The following BMP6 variants were observed in gnomAD, a reference collection of about 807,000 sequenced individuals.
BMP6 encodes the protein VG-1-R.
Under a neutral mutation model 54.1 loss-of-function variants are expected in BMP6, and 17 were observed. The ratio of observed to expected loss-of-function variants is 0.31; its 90% confidence interval spans 0.22 to 0.47. The LOEUF (loss-of-function observed/expected upper bound fraction) is 0.47. BMP6 is among the 20% of genes least tolerant of loss of function. BMP6 has a pLI of 1.00. For missense variants in BMP6, 720 were observed against 690.4 expected (o/e 1.04, Z -0.48); for synonymous variants, 328 against 291.2 (o/e 1.13, Z -1.28).
chr6:7,880,232 C>T lies in BMP6; in HGVS notation c.1431C>T (p.Cys477=), dbSNP rs1167202158. The change falls in exon 7 of 7, where the codon TGC becomes TGT. Residue 477 remains cysteine (C), a synonymous_variant. Transcript: ENST00000283147. ...ACCCCGAGTATGTCCCCAAACCGTG[C>T]TGTGCGCCAACTAAGCTAAATGCCA... is the stretch of plus-strand genomic sequence containing the variant. ...LMNPEYVPKP[C]CAPTKLNAIS... is the part of the protein sequence containing the mutation. 1 of 1,614,066 alleles carries T rather than the reference C, an allele frequency of 6.2e-7. No homozygotes were observed. The highest frequency in any genetic ancestry group is 8.5e-7 in the Non-Finnish European group (1 of 1,180,044).
intron 1 of BMP6, among the ~76,000 whole-genome samples, chr6:7,757,643 T>A (rs774674289): frequency 6.6e-6 from 1 of 152,218 alleles, no homozygotes; most frequent in Non-Finnish European, 1.5e-5. Flanking sequence ...GTCCCAAAGT[T>A]GCTTTGATCC....
chr6:7,806,920 A>G (rs1419282986), intron 1 of BMP6, among the ~76,000 whole-genome samples: 3 of 152,224 alleles, frequency 2.0e-5, no homozygotes, highest in African/African-American at 7.2e-5. Flanking sequence ...GTGTTGGTTG[A>G]TACTCCCTGT....
At chr6:7,788,031 A>T (rs1158019968) in intron 1 of BMP6, among the ~76,000 whole-genome samples, 1 of 152,184 alleles carries the variant, frequency 6.6e-6, no homozygotes, top group Non-Finnish European at 1.5e-5. Context: ...TTCACACCAC[A>T]TGTAATAAAT....
At chr6:7,834,560 G>A (rs2113240167) in intron 1 of BMP6, among the ~76,000 whole-genome samples, 1 of 151,940 alleles carries the variant, frequency 6.6e-6, no homozygotes, top group East Asian at 1.9e-4. Context: ...AAAAACTAGG[G>A]TGTGGTGACA....
At chr6:7,739,899 T>C (rs944798028) in intron 1 of BMP6, among the ~76,000 whole-genome samples, 2 of 152,170 alleles carry the variant, frequency 1.3e-5, no homozygotes, top group African/African-American at 4.8e-5. Context: ...AAAAATCCTC[T>C]CCTTAGTTTC....
Position 7,862,411 on chromosome 6 carries a change from A to G in BMP6, c.1117A>G (p.Thr373Ala). The G allele has an allele frequency of 6.2e-7, 1 of 1,614,188 alleles. No individual in the cohort carries two copies. The change falls in exon 4 of 7, where the codon ACC becomes GCC. Residue 373 changes from threonine to alanine, a missense_variant. Around this residue, in one of 3 missense-constraint regions of BMP6, gnomAD observed 650 missense variants for 556.3 expected, o/e 1.17. Coordinates refer to ENST00000283147, the MANE Select transcript of BMP6 (RefSeq NM_001718.6). Reference sequence around the variant, plus strand: ...AGTGAGTGAGGTGCACGTGCGCACCACCAGGTCAGCCTCCAGCCGGCGCCG... The same window carrying G: ...AGTGAGTGAGGTGCACGTGCGCACCGCCAGGTCAGCCTCCAGCCGGCGCCG... ...FKVSEVHVRTTRSASSRRRQQ... is the reference protein window; with the variant it reads ...FKVSEVHVRTARSASSRRRQQ...
intron 4 of BMP6, among the ~76,000 whole-genome samples, chr6:7,863,632 G>A (rs903332818): frequency 1.3e-5 from 2 of 152,156 alleles, no homozygotes; most frequent in Middle Eastern, 3.2e-3. Context: ...AAGGAATAAG[G>A]TGAGTCCCAT....
At chr6:7,800,849 A>G (rs1283047276) in intron 1 of BMP6, among the ~76,000 whole-genome samples, 1 of 125,488 alleles carries the variant, frequency 8.0e-6, no homozygotes, top group African/African-American at 3.0e-5. Flanking sequence ...AGGGCCAATG[A>G]TTTGTCATTT....
At chr6:7,861,626 C>A (rs377070350) in intron 3 of BMP6, 27 bp downstream of exon 3, 8 of 1,612,536 alleles carry the variant, frequency 5.0e-6, no homozygotes, top group South Asian at 2.2e-5. Context: ...AAGCCTCCAA[C>A]GTCCAGCAAG....
intron 1 of BMP6, among the ~76,000 whole-genome samples, chr6:7,775,389 A>G (rs1944278310): frequency 6.6e-6 from 1 of 152,162 alleles, no homozygotes. Context: ...GGCTGTGGAG[A>G]CCAAGCTTTT....
chr6:7,787,639 C>T (rs775961691), intron 1 of BMP6, among the ~76,000 whole-genome samples: 13 of 152,282 alleles, frequency 8.5e-5, no homozygotes, highest in Non-Finnish European at 1.5e-4. Context: ...TTTTCTTAGC[C>T]GTGGCTGCTC....
intron 2 of BMP6, among the ~76,000 whole-genome samples, chr6:7,852,677 A>AT (rs1279102266): frequency 6.6e-6 from 1 of 152,178 alleles, no homozygotes; most frequent in African/African-American, 2.4e-5. Context: ...TCTGTACTCG[A>AT]TTTTTTAGCT....
At chr6:7,763,081 A>AT (rs1757638987) in intron 1 of BMP6, among the ~76,000 whole-genome samples, 1 of 152,198 alleles carries the variant, frequency 6.6e-6, no homozygotes, top group African/African-American at 2.4e-5. Context: ...AGATACTCTT[A>AT]TGAATTCTGC....
At chr6:7,839,135 A>G (rs952235585) in intron 1 of BMP6, among the ~76,000 whole-genome samples, 1 of 152,108 alleles carries the variant, frequency 6.6e-6, no homozygotes, top group East Asian at 1.9e-4. Context: ...AGTTTTTTAG[A>G]TATTTGAGGA....
intron 1 of BMP6, among the ~76,000 whole-genome samples, chr6:7,788,059 T>C (rs984509740): frequency 2.6e-5 from 4 of 152,198 alleles, no homozygotes; most frequent in Admixed American, 6.5e-5. Flanking sequence ...TTTAGAGATA[T>C]TAGAAACTGA....
intron 1 of BMP6, among the ~76,000 whole-genome samples, chr6:7,766,408 T>A (rs1406601627): frequency 6.6e-6 from 1 of 151,682 alleles, no homozygotes; most frequent in Non-Finnish European, 1.5e-5. Flanking sequence ...AGACCAGGAG[T>A]TTGAAAACCA....
intron 1 of BMP6, among the ~76,000 whole-genome samples, chr6:7,748,552 G>A (rs13196371): frequency 6.6e-6 from 1 of 152,056 alleles, no homozygotes; most frequent in Non-Finnish European, 1.5e-5. Flanking sequence ...AGAAACCTAC[G>A]AGGCTGAAGC....
chr6:7,740,673 C>T (rs1017810385), intron 1 of BMP6, among the ~76,000 whole-genome samples: 1 of 152,144 alleles, frequency 6.6e-6, no homozygotes, highest in Admixed American at 6.5e-5. Flanking sequence ...GGAATCTGCA[C>T]TTCGACAAGC....
At chr6:7,757,433 T>G (rs886070865) in intron 1 of BMP6, among the ~76,000 whole-genome samples, 1 of 152,228 alleles carries the variant, frequency 6.6e-6, no homozygotes, top group African/African-American at 2.4e-5. Context: ...ATTCTCCCTA[T>G]GCCTGCTTAT....
Sources: allele counts gnomAD v4.1 joint callset (sites outside exome capture counted in the v4.1 genomes callset), GRCh38; gene constraint gnomAD v4.1.1; regional missense constraint gnomAD v4.1.1; transcripts MANE v1.5; gene names NCBI Gene and HGNC (gene_info 2026-07-23, HGNC 2026-07-21).